Variants in MEF2C observed in about 807,000 individuals in gnomAD.
MEF2C encodes myocyte enhancer factor 2C.
A neutral mutation model predicts 50.5 loss-of-function variants in MEF2C; 6 were observed. The observed-to-expected ratio is 0.12, with a 90% CI of 0.07 to 0.23. The LOEUF is 0.23. Ranked by LOEUF, MEF2C falls within the 10% of genes least tolerant of loss-of-function variation. The pLI, the probability that MEF2C is intolerant of heterozygous loss-of-function variation, is 1.00. For synonymous variants in MEF2C, 183 were observed against 228.0 expected, an observed-to-expected ratio of 0.80 and a Z score of 1.78; for missense variants, 276 against 605.0, an observed-to-expected ratio of 0.46 and a Z score of 5.70.
chr5:88,875,809 A>G (rs1830873980), intron 1 of MEF2C, among the ~76,000 whole-genome samples: 2 of 151,918 alleles, frequency 1.3e-5, no homozygotes, highest in African/African-American at 4.8e-5. Flanking sequence ...TTAGGGCTGA[A>G]ATCACTCCGA....
rs915050240 is a variant in MEF2C, at chr5:88,734,843, T to C, written c.638-2942A>G. ...AGAAGATTAGTCACATATTTTAAGGTGTTTACATACTGAAATGTAAAATAT... is the reference window on the plus strand; with the variant it reads ...AGAAGATTAGTCACATATTTTAAGGCGTTTACATACTGAAATGTAAAATAT... On this transcript the variant is annotated intron_variant, in intron 6 of 10. Transcript: ENST00000504921. 9.2e-6 allele frequency: 9 copies of C among 974,190 alleles called. No homozygotes were observed. The East Asian group carries it at 9.1e-4, about 99-fold the overall frequency. The allele number at this position is 974,190 out of a possible 1,614,324, so 60.3% of individuals were successfully genotyped here.
chr5:88,739,772 G>A, intron 6 of MEF2C: 1 of 984,950 alleles, frequency 1.0e-6, no homozygotes, highest in Non-Finnish European at 1.2e-6. Flanking sequence ...ACATTGAATA[G>A]CTCTAAGAGA....
chr5:88,807,755 A>G (rs1336818988), intron 2 of MEF2C, among the ~76,000 whole-genome samples: 2 of 152,204 alleles, frequency 1.3e-5, no homozygotes, highest in African/African-American at 2.4e-5. Context: ...TGGTGACTTG[A>G]AGAGTCTACC....
intron 1 of MEF2C, chr5:88,827,338 C>T (rs1811318304): frequency 6.6e-6 from 1 of 152,064 alleles, no homozygotes; most frequent in Admixed American, 6.6e-5. Flanking sequence ...GAAACACGCA[C>T]ACAGACTGGT....
At chr5:88,867,360 G>T (rs1288958450) in intron 1 of MEF2C, among the ~76,000 whole-genome samples, 1 of 152,100 alleles carries the variant, frequency 6.6e-6, no homozygotes, top group Non-Finnish European at 1.5e-5. Context: ...AGAAGAGAGT[G>T]GACTTGAGAC....
intron 1 of MEF2C, chr5:88,827,239 C>G (rs1053260454): frequency 6.6e-6 from 1 of 152,018 alleles, no homozygotes; most frequent in African/African-American, 2.4e-5. Flanking sequence ...TTCCCTCCTC[C>G]CTCCCTCACT....
intron 1 of MEF2C, among the ~76,000 whole-genome samples, chr5:88,899,759 G>A (rs950464116): frequency 2.6e-5 from 4 of 152,052 alleles, no homozygotes; most frequent in African/African-American, 9.7e-5. Flanking sequence ...CAATTGATTT[G>A]CATACTGTTA....
intron 1 of MEF2C, among the ~76,000 whole-genome samples, chr5:88,873,018 T>C (rs924065093): frequency 2.0e-5 from 3 of 151,840 alleles, no homozygotes; most frequent in Admixed American, 6.6e-5. Context: ...TCTCTCTCTC[T>C]GCTCTCCCAC....
At chr5:88,730,548 G>GC (rs1760999901) in intron 7 of MEF2C, among the ~76,000 whole-genome samples, 1 of 152,166 alleles carries the variant, frequency 6.6e-6, no homozygotes, top group Non-Finnish European at 1.5e-5. Flanking sequence ...AGGAAGGGGA[G>GC]CTACACACCT....
rs143031845 is a variant in MEF2C, at chr5:88,863,653, C to T, written c.-143+19302G>A. ...TGTCTCCCCTTTCCCCATCCACTCC[C>T]GCCTCCATTTCTGGAAACTGCCTTT... On this transcript the variant is annotated intron_variant, in intron 1 of 10. Transcript: ENST00000504921. Among the ~76,000 whole-genome samples the T allele has an allele frequency of 1.3e-3, 197 of 152,288 alleles. 1 individual carries two copies. The highest frequency in any genetic ancestry group is 4.4e-3 in the African/African-American group (181 of 41,558).
intron 1 of MEF2C, chr5:88,838,596 T>C: frequency 1.0e-6 from 1 of 985,256 alleles, no homozygotes; most frequent in Non-Finnish European, 1.2e-6. Context: ...ATTACACAGA[T>C]ATCTCATCCC....
intron 1 of MEF2C, among the ~76,000 whole-genome samples, chr5:88,869,749 AAT>A (rs1295267602): frequency 2.7e-5 from 4 of 150,860 alleles, no homozygotes; most frequent in South Asian, 2.1e-4. Flanking sequence ...AGTCAATAGA[AAT>A]AGAGAAATCT....
At chr5:88,742,621 T>C in intron 6 of MEF2C, 1 of 985,370 alleles carries the variant, frequency 1.0e-6, no homozygotes, top group Non-Finnish European at 1.2e-6. Context: ...AAATTTTCTT[T>C]TTTTCCTCTG....
intron 3 of MEF2C, among the ~76,000 whole-genome samples, chr5:88,764,057 A>C (rs975189152): frequency 6.6e-6 from 1 of 152,212 alleles, no homozygotes; most frequent in African/African-American, 2.4e-5. Context: ...CTTTTAACCA[A>C]TAAATCTTAT....
At chr5:88,740,691 A>C (rs181388105) in intron 6 of MEF2C, 66,547 of 981,122 alleles carry the variant, frequency 0.068, 976 homozygotes, top group Non-Finnish European at 0.075. Flanking sequence ...AAAAAAAAAA[A>C]CCCAAATATC....
intron 3 of MEF2C, chr5:88,780,933 C>T: frequency 1.0e-6 from 1 of 985,262 alleles, no homozygotes; most frequent in Non-Finnish European, 1.2e-6. Flanking sequence ...AAGGGGACAC[C>T]AGGAAATAAA....
chr5:88,824,681 AT>A (rs978646430), intron 1 of MEF2C, among the ~76,000 whole-genome samples: 15 of 151,900 alleles, frequency 9.9e-5, no homozygotes, highest in Admixed American at 9.9e-4. Flanking sequence ...TTATAACCAT[AT>A]TTTTTATAAC....
At chr5:88,846,128 C>T (rs542325988) in intron 1 of MEF2C, among the ~76,000 whole-genome samples, 29 of 148,820 alleles carry the variant, frequency 1.9e-4, no homozygotes, top group African/African-American at 5.0e-4. Context: ...AGTGCGGTGG[C>T]GCAATCTCAG....
chr5:88,867,937 G>T (rs1272263247), intron 1 of MEF2C, among the ~76,000 whole-genome samples: 1 of 152,170 alleles, frequency 6.6e-6, no homozygotes, highest in Non-Finnish European at 1.5e-5. Context: ...GAGACTCTTT[G>T]ATGGATTTCT....
Sources: allele counts gnomAD v4.1 joint callset (sites outside exome capture counted in the v4.1 genomes callset), GRCh38; gene constraint gnomAD v4.1.1; transcripts MANE v1.5; gene names NCBI Gene and HGNC (gene_info 2026-07-23, HGNC 2026-07-21).